ORC1: variants seen among roughly 807,000 people sequenced by gnomAD.
ORC1 encodes the protein origin recognition complex subunit 1, also known as origin recognition complex, subunit 1 homolog.
ORC1 carries 61 observed loss-of-function variants against 98.9 expected under a neutral mutation model. The ratio of observed to expected loss-of-function variants is 0.62; its 90% CI spans 0.50 to 0.76. The LOEUF is 0.76. Ranked by LOEUF, ORC1 falls within the 30% of genes least tolerant of loss-of-function variation. The pLI, the probability that ORC1 is intolerant of heterozygous loss-of-function variation, is 0.00. For synonymous variants in ORC1, 385 were observed against 406.9 expected (o/e 0.95, Z 0.65); for missense variants, 979 against 1,072.2 (o/e 0.91, Z 1.21).
chr1:52,373,028 A>G lies in ORC1; in HGVS notation c.*153T>C. ...GTGCCTGTAGTTTCAGCCACCTGGG[A>G]GGATGAGGTTGGGGGGTCACCTAAG... is the stretch of plus-strand genomic sequence containing the variant. On this transcript the variant is annotated 3_prime_UTR_variant, in exon 17 of 17. Transcript: ENST00000371568. 1.2e-6 allele frequency: 1 copy of G among 805,780 alleles called. No individual in the cohort carries two copies. Among genetic ancestry groups the G allele is most frequent in the Non-Finnish European group, 2.2e-6 (1 of 461,140 alleles). The allele number at this position is 805,780 out of a possible 1,614,324, so 49.9% of individuals were successfully genotyped here.
At chr1:52,398,212 C>T (rs187318540) in intron 3 of ORC1, among the ~76,000 whole-genome samples, 2 of 151,930 alleles carry the variant, frequency 1.3e-5, no homozygotes, top group Admixed American at 6.6e-5. Context: ...GATCTGCCTA[C>T]CTTGGCCTCC....
chr1:52,379,623 AAAC>A (rs1647036379), intron 14 of ORC1, among the ~76,000 whole-genome samples: 1 of 152,168 alleles, frequency 6.6e-6, no homozygotes, highest in Admixed American at 6.6e-5. Flanking sequence ...TTAGATCAGG[AAAC>A]AACAAAGTGT....
rs745934726 is a variant in ORC1 at position 52,375,447 on chromosome 1, T to C, written c.2286A>G (p.Ser762=). The change falls in exon 15 of 17, where the codon TCA becomes TCG. Residue 762 remains serine, a synonymous_variant. Transcript: ENST00000371568. ...CATCTTACTTGATGGCCGTGATGTA[T>C]GATGATGAAAACATCTCATCCACAG... is the stretch of plus-strand genomic sequence containing the variant. The part of the protein sequence containing the change: ...MEAVDEMFSS[S]YITAIKNSSV... The C allele has an allele frequency of 8.5e-5, 138 of 1,614,038 alleles. No homozygotes were observed. Among genetic ancestry groups the C allele is most frequent in the Non-Finnish European group, 1.1e-4 (134 of 1,180,032 alleles).
At chr1:52,404,677 C>T, upstream of ORC1, 3 of 1,530,584 alleles carry the variant, frequency 2.0e-6, no homozygotes, top group East Asian at 2.3e-5. Context: ...CTCCATTCCT[C>T]TAGGTGCTTT....
intron 1 of ORC1, among the ~76,000 whole-genome samples, chr1:52,403,908 AC>A (rs1324563824): frequency 6.6e-6 from 1 of 152,174 alleles, no homozygotes; most frequent in Admixed American, 6.5e-5. Flanking sequence ...AGCTCAAAGA[AC>A]GAAACAAGTA....
chr1:52,385,871 G>A lies in ORC1; in HGVS notation c.1462C>T (p.Leu488=). The stretch of plus-strand genomic sequence containing the variant: ...CAGTACCTCAGTCGGGCTTCCTCCA[G>A]CACACTGGCTGGCTCCTGGGCAGCC... ...SLAAQEPASV[L]EEARLRLHVS... is the part of the protein sequence containing the mutation. Residue 488 remains leucine, a synonymous_variant, in exon 9 of 17, where the codon CTG becomes TTG. Coordinates refer to ENST00000371568, the MANE Select transcript of ORC1 (RefSeq NM_004153.4). The A allele has an allele frequency of 1.9e-6, 3 of 1,613,572 alleles. No homozygotes were observed. Among genetic ancestry groups the A allele is most frequent in the Non-Finnish European group, 2.5e-6 (3 of 1,179,676 alleles).
chr1:52,377,904 G>T (rs1647015296), intron 14 of ORC1, among the ~76,000 whole-genome samples: 2 of 152,064 alleles, frequency 1.3e-5, no homozygotes, highest in Admixed American at 1.3e-4. Flanking sequence ...GACCCCTAAA[G>T]ACTTCAGGTA....
At chr1:52,376,761 G>C (rs1455052770) in intron 14 of ORC1, among the ~76,000 whole-genome samples, 1 of 152,128 alleles carries the variant, frequency 6.6e-6, no homozygotes, top group Non-Finnish European at 1.5e-5. Flanking sequence ...AAACCAGTCT[G>C]ACCCCAAGGG....
At chr1:52,376,793 C>A (rs1368482358) in intron 14 of ORC1, among the ~76,000 whole-genome samples, 1 of 152,056 alleles carries the variant, frequency 6.6e-6, no homozygotes, top group Non-Finnish European at 1.5e-5. Context: ...CTTGGCAACC[C>A]TATGCATCCC....
At chr1:52,396,465 G>T in intron 4 of ORC1, 101 bp from the exon 5 acceptor site, 2 of 1,434,368 alleles carry the variant, frequency 1.4e-6, no homozygotes, top group Non-Finnish European at 1.9e-6. Context: ...GTCCACATCT[G>T]TACCTAAAAT....
Position 52,397,833 on chromosome 1 carries a change from C to T in ORC1, c.254G>A (p.Arg85Gln), listed in dbSNP as rs147105653. The T allele has an allele frequency of 3.7e-6, 6 of 1,614,182 alleles. No homozygotes were observed. Among genetic ancestry groups the T allele is most frequent in the Admixed American group, 1.7e-5 (1 of 60,028 alleles). ...DSDPPPKKRA[R>Q]VQWFVRFCEV... is the part of the protein sequence containing the mutation. ...ACAGAATCGGACAAACCACTGTACT[C>T]GAGCACGTTTCTTAGGAGGAGGATC... The change falls in exon 4 of 17, where the codon CGA becomes CAA. Residue 85 changes from arginine (R) to glutamine (Q), a missense_variant. Transcript: ENST00000371568.
At chr1:52,385,091 T>G in intron 10 of ORC1, 70 bp downstream of exon 10, 2 of 975,088 alleles carry the variant, frequency 2.1e-6, no homozygotes, top group Middle Eastern at 4.5e-4. Context: ...GGCTGAACTG[T>G]AACACCCAAG....
At chr1:52,379,727 G>A (rs1647037001) in intron 14 of ORC1, among the ~76,000 whole-genome samples, 1 of 151,834 alleles carries the variant, frequency 6.6e-6, no homozygotes, top group Non-Finnish European at 1.5e-5. Flanking sequence ...GAGGTCAAGA[G>A]ATTGAGACCA....
At chr1:52,383,310 A>G in intron 13 of ORC1, 110 bp downstream of exon 13, 1 of 1,335,544 alleles carries the variant, frequency 7.5e-7, no homozygotes, top group South Asian at 1.2e-5. Context: ...TGGCCTCCCA[A>G]AGTGCGGGGT....
intron 12 of ORC1, 96 bp downstream of exon 12, chr1:52,383,734 A>G: frequency 7.7e-7 from 1 of 1,296,080 alleles, no homozygotes; most frequent in Non-Finnish European, 1.1e-6. Flanking sequence ...GCTCATATGA[A>G]TGGAGAAGGG....
chr1:52,404,573 A>G (rs1647908609), upstream of ORC1: 1 of 582,086 alleles, frequency 1.7e-6, no homozygotes, highest in South Asian at 2.1e-5. Context: ...CATTGATTCG[A>G]TAGGCGACGC....
rs550036321 is a variant in ORC1 at position 52,386,930 on chromosome 1, A to G, written c.1384-981T>C. Among the ~76,000 whole-genome samples, 24 of 152,316 alleles carry G rather than the reference A, an allele frequency of 1.6e-4. No individual in the cohort carries two copies. In the South Asian group the frequency reaches 4.6e-3, roughly 29 times the overall value. ...TGCACCACTGCACTCCAGCCTGGGC[A>G]AGAGACAGAGCAAGAGCGTGTCTCA... is the stretch of plus-strand genomic sequence containing the variant. On this transcript the variant is annotated intron_variant, in intron 8 of 16. Transcript: ENST00000371568.
At chr1:52,399,396 G>C (rs183912389) in intron 3 of ORC1, among the ~76,000 whole-genome samples, 1 of 151,810 alleles carries the variant, frequency 6.6e-6, no homozygotes, top group East Asian at 2.0e-4. Flanking sequence ...AGGCTGAGGC[G>C]GGCGGATCAT....
rs1647401498 is a variant in ORC1 at position 52,396,438 on chromosome 1, C to T, written c.403-74G>A. On this transcript the variant is annotated intron_variant, in intron 4 of 16. Coordinates refer to ENST00000371568, the MANE Select transcript of ORC1 (RefSeq NM_004153.4). ...GCCAAGGAGTATTCCATCAGAGCTA[C>T]AATTAAAAACATTGAAGTCCACATC... The T allele has an allele frequency of 1.9e-6, 3 of 1,581,652 alleles. No homozygotes were observed. The East Asian group carries it at 6.7e-5, about 35-fold the overall frequency.
Sources: allele counts gnomAD v4.1 joint callset (sites outside exome capture counted in the v4.1 genomes callset), GRCh38; gene constraint gnomAD v4.1.1; transcripts MANE v1.5; gene names NCBI Gene and HGNC (gene_info 2026-07-23, HGNC 2026-07-21).